The following DUS2 variants were observed in gnomAD, a reference collection of about 807,000 sequenced individuals.
The protein encoded by DUS2 is tRNA-dihydrouridine(20) synthase [NAD(P)+]-like.
DUS2 carries 52 observed loss-of-function variants against 71.3 expected under a neutral mutation model. That is an observed-to-expected ratio of 0.73 (90% CI 0.58 to 0.92). The LOEUF is 0.92. Among genes scored for constraint, DUS2 ranks in the 40% least tolerant of loss-of-function variants. DUS2 has a pLI of 0.00. For synonymous variants in DUS2, 204 were observed against 227.8 expected (o/e 0.90, Z 0.94); for missense variants, 558 against 622.6 (o/e 0.90, Z 1.10).
At chr16:68,042,501 G>T (rs946203251) in intron 3 of DUS2, among the ~76,000 whole-genome samples, 1 of 151,920 alleles carries the variant, frequency 6.6e-6, no homozygotes, top group African/African-American at 2.4e-5. Flanking sequence ...CAAAGCTTCC[G>T]GTTTCTCTAC....
In DUS2 at chr16:68,053,369, C is replaced by A. The variant is rs377518213; in HGVS notation, c.173-195C>A. Among the ~76,000 whole-genome samples, 8 of 152,342 alleles carry A rather than the reference C, an allele frequency of 5.3e-5. 1 individual carries two copies. The East Asian group carries it at 1.2e-3, about 22-fold the overall frequency. The stretch of plus-strand genomic sequence containing the variant: ...AATTGCAAAATGAACAACCATCACC[C>A]AGGTCAGGAAATAGACCATCCTCAT... On this transcript the variant is annotated intron_variant, in intron 4 of 16. Coordinates refer to ENST00000565263, the MANE Select transcript of DUS2 (RefSeq NM_017803.5).
chr16:68,051,655 T>C (rs1480399567), intron 4 of DUS2, among the ~76,000 whole-genome samples: 1 of 152,140 alleles, frequency 6.6e-6, no homozygotes, highest in African/African-American at 2.4e-5. Flanking sequence ...CCTCCCAAAA[T>C]ACTGGGATTA....
chr16:68,042,219 A>G (rs2033635322), intron 3 of DUS2, among the ~76,000 whole-genome samples: 1 of 152,166 alleles, frequency 6.6e-6, no homozygotes, highest in African/African-American at 2.4e-5. Flanking sequence ...AGGCTGAATA[A>G]TACTCTATTG....
chr16:68,045,509 G>T (rs2033686976), intron 3 of DUS2, among the ~76,000 whole-genome samples: 1 of 151,564 alleles, frequency 6.6e-6, no homozygotes, highest in African/African-American at 2.4e-5. Flanking sequence ...TACTAGGGAG[G>T]CTGAGGGAGG....
At chr16:68,034,512 C>T (rs1361866335) in intron 2 of DUS2, among the ~76,000 whole-genome samples, 2 of 152,146 alleles carry the variant, frequency 1.3e-5, no homozygotes, top group Non-Finnish European at 2.9e-5. Flanking sequence ...GCCACCACCC[C>T]CAGCTAATTT....
Position 68,074,143 on chromosome 16 carries a change from C to G in DUS2, c.920C>G (p.Ser307Cys). The G allele has an allele frequency of 6.2e-7, 1 of 1,614,116 alleles. No homozygotes were observed. Among genetic ancestry groups the G allele is most frequent in the East Asian group, 2.2e-5 (1 of 44,878 alleles). The change falls in exon 13 of 17, where the codon TCC becomes TGC. Residue 307 changes from serine (S) to cysteine (C), a missense_variant. Transcript: ENST00000565263. The part of the protein sequence containing the change: ...QGRLLHAAQS[S>C]REICEAFGLG... ...AGGTTGCTCCATGCTGCCCAGTCTT[C>G]CCGGGAAATTTGGTAAGAGGCACAA...
intron 14 of DUS2, 117 bp downstream of exon 14, chr16:68,075,621 T>C: frequency 9.0e-7 from 1 of 1,111,386 alleles, no homozygotes; most frequent in Non-Finnish European, 1.2e-6. Flanking sequence ...ACAGGTCTTG[T>C]TGGTTTGGAA....
intron 8 of DUS2, among the ~76,000 whole-genome samples, chr16:68,063,829 T>G (rs1327887081): frequency 1.3e-5 from 2 of 152,188 alleles, no homozygotes; most frequent in African/African-American, 4.8e-5. Context: ...GTTCAAGTGA[T>G]TCTCCTGCCT....
chr16:68,066,981 GA>G (rs1424091081), intron 10 of DUS2, among the ~76,000 whole-genome samples: 1 of 150,758 alleles, frequency 6.6e-6, no homozygotes, highest in Non-Finnish European at 1.5e-5. Flanking sequence ...GTACGTGGTG[GA>G]ATTCTGACCC....
At position 68,066,564 on chromosome 16, in the gene DUS2, A is replaced by T. The variant is rs1446929338; in HGVS notation, c.484-2A>T. 12 of 1,614,056 alleles carry T rather than the reference A, an allele frequency of 7.4e-6. No homozygotes were observed. Among genetic ancestry groups the T allele is most frequent in the Non-Finnish European group, 1.0e-5 (12 of 1,179,998 alleles). On this transcript the variant is annotated splice_acceptor_variant, in intron 9 of 16. Coordinates refer to ENST00000565263, the MANE Select transcript of DUS2 (RefSeq NM_017803.5). LOFTEE classifies it high-confidence loss of function. ...ACCATCCTGTGTGGTCCTCCTCCTC[A>T]GCTAGAAGATACCCTGAGCCTTGTG... is the stretch of plus-strand genomic sequence containing the variant.
intron 4 of DUS2, 139 bp downstream of exon 4, chr16:68,049,689 AGTCAC>A: frequency 1.3e-6 from 1 of 785,238 alleles, no homozygotes; most frequent in Non-Finnish European, 2.2e-6. Flanking sequence ...CCTTGAGAGC[AGTCAC>A]TGATCTCCAG....
chr16:68,024,661 A>G (rs2033317820), intron 1 of DUS2, among the ~76,000 whole-genome samples: 1 of 152,188 alleles, frequency 6.6e-6, no homozygotes, highest in Admixed American at 6.6e-5. Flanking sequence ...GAGTTACCAG[A>G]TAAATCAGAG....
chr16:68,065,805 T>C (rs1278795526), intron 8 of DUS2, among the ~76,000 whole-genome samples: 2 of 150,768 alleles, frequency 1.3e-5, no homozygotes, highest in Non-Finnish European at 3.0e-5. Context: ...TTTCTTACTT[T>C]TTTTTTTTTT....
Position 68,075,466 on chromosome 16 carries a change from T to TA in DUS2, c.1045dup (p.Thr349AsnfsTer6), listed in dbSNP as rs774099058. 3.1e-6 allele frequency: 5 copies of TA among 1,613,738 alleles called. No homozygotes were observed. In the South Asian group the frequency reaches 5.5e-5, roughly 18 times the overall value. ...AGCAGACAGGGGAGCCAGCTGAAGA[T>TA]ACCTCTGGTGTCATTAAGATGGCTG... On this transcript the variant is annotated frameshift_variant, in exon 14 of 17. Coordinates refer to ENST00000565263, the MANE Select transcript of DUS2 (RefSeq NM_017803.5). LOFTEE classifies it high-confidence loss of function.
intron 3 of DUS2, among the ~76,000 whole-genome samples, chr16:68,043,562 A>C (rs1171750400): frequency 6.6e-6 from 1 of 152,186 alleles, no homozygotes; most frequent in East Asian, 1.9e-4. Flanking sequence ...GATGGTGAAC[A>C]TCTTTTTATA....
chr16:68,064,617 A>G (rs1247485900), intron 8 of DUS2, among the ~76,000 whole-genome samples: 2 of 152,154 alleles, frequency 1.3e-5, no homozygotes, highest in Non-Finnish European at 2.9e-5. Context: ...TTTTTATTGT[A>G]TTTCTTGATG....
chr16:68,034,676 GT>G (rs1211494229), intron 2 of DUS2, among the ~76,000 whole-genome samples: 1 of 152,084 alleles, frequency 6.6e-6, no homozygotes, highest in Non-Finnish European at 1.5e-5. Context: ...CTTTGTGACT[GT>G]TTAGAGGAGA....
intron 3 of DUS2, among the ~76,000 whole-genome samples, chr16:68,045,890 G>T (rs1336477832): frequency 6.6e-6 from 1 of 151,802 alleles, no homozygotes; most frequent in African/African-American, 2.4e-5. Context: ...GCTAATTTTT[G>T]TATTTTTAGT....
intron 3 of DUS2, among the ~76,000 whole-genome samples, chr16:68,044,112 C>A (rs1367277542): frequency 6.6e-6 from 1 of 152,024 alleles, no homozygotes; most frequent in African/African-American, 2.4e-5. Context: ...GAATTGAGGA[C>A]ACAACACAGT....
Sources: gnomAD v4.1 joint callset for allele counts (sites outside exome capture counted in the v4.1 genomes callset) on GRCh38, gnomAD v4.1.1 for gene constraint, MANE v1.5 for transcripts, NCBI Gene and HGNC (gene_info 2026-07-23, HGNC 2026-07-21) for gene names.